The following ARSB variants were observed in gnomAD, a reference collection of about 807,000 sequenced individuals.
ARSB encodes the protein arylsulfatase B.
ARSB carries 41 observed loss-of-function variants against 50.9 expected under a neutral mutation model. That is an observed-to-expected ratio of 0.81 (90% CI 0.63 to 1.04). ARSB has a LOEUF of 1.04. Among genes scored for constraint, ARSB ranks in the 50% least tolerant of loss-of-function variants. The pLI, the probability that ARSB is intolerant of heterozygous loss-of-function variation, is 0.00. For missense variants in ARSB, 672 were observed against 693.3 expected (o/e 0.97, Z 0.35); for synonymous variants, 269 against 284.8 (o/e 0.94, Z 0.56).
At chr5:78,834,821 T>C (rs1744874726) in intron 6 of ARSB, among the ~76,000 whole-genome samples, 1 of 151,758 alleles carries the variant, frequency 6.6e-6, no homozygotes, top group South Asian at 2.1e-4. Flanking sequence ...TGCTGGATCC[T>C]ATGATAATTC....
Position 78,779,342 on chromosome 5 carries a change from T to C in ARSB, c.*1055A>G, listed in dbSNP as rs527854622. On this transcript the variant is annotated 3_prime_UTR_variant, in exon 8 of 8. Transcript: ENST00000264914. ...TACCAAGGCCCAGTATCCCAGACAC[T>C]GGCCACTTGCTTTTTCATATCCTTT... 1.3e-5 allele frequency: 2 copies of C among 152,334 alleles called. No homozygotes were observed. The highest frequency in any genetic ancestry group is 2.9e-5 in the Non-Finnish European group (2 of 68,032). The allele number at this position is 152,334 out of a possible 1,614,324, so 9.4% of individuals were successfully genotyped here. A position where few individuals can be genotyped will look rare whatever the true frequency, so the allele number is the denominator to read the frequency against.
chr5:78,851,372 G>T (rs527470521), intron 5 of ARSB, among the ~76,000 whole-genome samples: 6 of 152,174 alleles, frequency 3.9e-5, no homozygotes, highest in African/African-American at 1.4e-4. Flanking sequence ...GAGCAGTTTT[G>T]AGTGAGTTTC....
intron 6 of ARSB, among the ~76,000 whole-genome samples, chr5:78,794,969 T>G (rs1743126754): frequency 6.6e-6 from 1 of 152,210 alleles, no homozygotes; most frequent in South Asian, 2.1e-4. Context: ...CATAACTCTG[T>G]AACCATGGGC....
intron 6 of ARSB, among the ~76,000 whole-genome samples, chr5:78,825,824 C>T (rs918700016): frequency 6.6e-6 from 1 of 152,038 alleles, no homozygotes; most frequent in Admixed American, 6.6e-5. Context: ...AGTTCAAATA[C>T]CCATGACTTC....
intron 4 of ARSB, among the ~76,000 whole-genome samples, chr5:78,888,362 C>T (rs1748133465): frequency 3.9e-5 from 6 of 152,190 alleles, no homozygotes; most frequent in Admixed American, 3.9e-4. Flanking sequence ...TCACTCATAA[C>T]CAATGTATCG....
chr5:78,977,873 A>G (rs1280147781), intron 1 of ARSB, among the ~76,000 whole-genome samples: 1 of 152,230 alleles, frequency 6.6e-6, no homozygotes, highest in African/African-American at 2.4e-5. Flanking sequence ...AAAATGATCA[A>G]TGTACATATA....
chr5:78,790,509 A>T (rs1340209780), intron 6 of ARSB, among the ~76,000 whole-genome samples: 1 of 152,240 alleles, frequency 6.6e-6, no homozygotes, highest in Non-Finnish European at 1.5e-5. Context: ...GTGAGATAAG[A>T]CATATATAGT....
chr5:78,851,194 T>G (rs144726540), intron 5 of ARSB, among the ~76,000 whole-genome samples: 1,763 of 152,362 alleles, frequency 0.012, 18 homozygotes, highest in South Asian at 0.033. Flanking sequence ...CTTGTGGGCA[T>G]TCAGTGCTAT....
chr5:78,892,653 T>C (rs1354073215), intron 4 of ARSB, among the ~76,000 whole-genome samples: 2 of 152,206 alleles, frequency 1.3e-5, no homozygotes, highest in African/African-American at 4.8e-5. Context: ...GGATAACTCC[T>C]TTCTGTTCCC....
chr5:78,816,167 C>T (rs1743982697), intron 6 of ARSB: 12 of 1,613,624 alleles, frequency 7.4e-6, no homozygotes, highest in Middle Eastern at 1.6e-4. Flanking sequence ...TCTCAGGGTA[C>T]GGTTGTATCA....
In ARSB at chr5:78,878,950, C is replaced by A. The variant is rs567661450; in HGVS notation, c.1142+6634G>T. ...CTCACTGTAGCCTCAAGCTCCTGGG[C>A]TCAAGTGAACCTCCTGCCTCAGCCT... On this transcript the variant is annotated intron_variant, in intron 5 of 7. Transcript: ENST00000264914. 7.9e-5 allele frequency among the ~76,000 whole-genome samples: 12 copies of A among 152,032 alleles called. No homozygotes were observed. The East Asian group carries it at 1.7e-3, about 22-fold the overall frequency.
At chr5:78,841,174 A>C (rs369641684) in intron 5 of ARSB, among the ~76,000 whole-genome samples, 1,264 of 70,320 alleles carry the variant, frequency 0.018, 25 homozygotes, top group African/African-American at 0.059. Flanking sequence ...ACTACTAATA[A>C]TAATAATAAT....
chr5:78,838,895 G>A (rs764074206), intron 6 of ARSB, among the ~76,000 whole-genome samples: 4 of 152,226 alleles, frequency 2.6e-5, no homozygotes, highest in Non-Finnish European at 4.4e-5. Context: ...ACACCCAGCA[G>A]GTGTTGGGCA....
In ARSB at chr5:78,911,572, TAAAAAAAAAAAAAAAAAAAAAAAA is replaced by T. The variant is rs71001137; in HGVS notation, c.899-25769_899-25746del. ...CTGGGGAACAGAGTGAGACTCCCTC[TAAAAAAAAAAAAAAAAAAAAAAAA>T]AAAAAAAAAAAAAAAGAATAACTTG... is the stretch of plus-strand genomic sequence containing the variant. On this transcript the variant is annotated intron_variant, in intron 4 of 7. Coordinates refer to ENST00000264914, the MANE Select transcript of ARSB (RefSeq NM_000046.5). Among the ~76,000 whole-genome samples, 45 of 67,852 alleles carry T rather than the reference TAAAAAAAAAAAAAAAAAAAAAAAA, an allele frequency of 6.6e-4. 1 individual carries two copies. Among genetic ancestry groups the T allele is most frequent in the African/African-American group, 3.2e-3 (41 of 12,792 alleles). The allele number at this position is 67,852 out of a possible 152,430, so 44.5% of individuals were successfully genotyped here.
At chr5:78,876,238 G>A (rs572663253) in intron 5 of ARSB, among the ~76,000 whole-genome samples, 10 of 152,174 alleles carry the variant, frequency 6.6e-5, no homozygotes, top group African/African-American at 2.4e-4. Flanking sequence ...AGAGTTATAA[G>A]ATTTAAAGTA....
intron 4 of ARSB, among the ~76,000 whole-genome samples, chr5:78,901,267 ACAGGTTC>A (rs1748793385): frequency 6.6e-6 from 1 of 152,086 alleles, no homozygotes; most frequent in African/African-American, 2.4e-5. Context: ...TAACATATTC[ACAGGTTC>A]CAGGCTTTAG....
intron 5 of ARSB, among the ~76,000 whole-genome samples, chr5:78,874,735 C>T (rs1747406891): frequency 6.6e-6 from 1 of 152,094 alleles, no homozygotes. Context: ...CTATACTTAA[C>T]AACTACAGAA....
intron 6 of ARSB, among the ~76,000 whole-genome samples, chr5:78,797,306 A>T (rs945591868): frequency 6.6e-6 from 1 of 151,802 alleles, no homozygotes; most frequent in Middle Eastern, 3.2e-3. Flanking sequence ...TTCTTTTTTC[A>T]CTGTTCATCT....
chr5:78,792,378 CA>C (rs1178658652), intron 6 of ARSB, among the ~76,000 whole-genome samples: 20,350 of 105,392 alleles, frequency 0.19, 1,395 homozygotes, highest in Middle Eastern at 0.31. Context: ...GAATCTGTCG[CA>C]AAAAAAAAAA....
Sources: gnomAD v4.1 joint callset for allele counts (sites outside exome capture counted in the v4.1 genomes callset) on GRCh38, gnomAD v4.1.1 for gene constraint, MANE v1.5 for transcripts, NCBI Gene and HGNC (gene_info 2026-07-23, HGNC 2026-07-21) for gene names.